Variants in USP34 observed in about 807,000 individuals in gnomAD.
USP34 encodes ubiquitin carboxyl-terminal hydrolase 34.
A neutral mutation model predicts 460.3 loss-of-function variants in USP34; 70 were observed. The ratio of observed to expected loss-of-function variants is 0.15; its 90% CI spans 0.13 to 0.19. USP34 has a LOEUF of 0.19. USP34 is among the 10% of genes least tolerant of loss of function. The probability of loss-of-function intolerance (pLI) is 1.00; values close to 1 mark genes in which losing one functional copy is unlikely to be tolerated. For synonymous variants in USP34, 1,647 were observed against 1,405.3 expected (o/e 1.17, Z -3.85); for missense variants, 3,985 against 4,236.2 (o/e 0.94, Z 1.65).
intron 19 of USP34, 124 bp downstream of exon 19, chr2:61,333,758 A>C (rs1054616349): frequency 3.7e-6 from 2 of 543,352 alleles, no homozygotes. Flanking sequence ...CTAAGAAAAC[A>C]AACCACATGA....
rs1402489874 is a variant in USP34 at position 61,196,125 on chromosome 2, G to C, written c.9509-3145C>G. ...AGACGGAGTCTCGCTTTGTCGCACA[G>C]GCTGGAGTGCAGTGGCGCGATCTCG... On this transcript the variant is annotated intron_variant, in intron 75 of 79. Transcript: ENST00000398571. 2.4e-5 allele frequency among the ~76,000 whole-genome samples: 3 copies of C among 125,498 alleles called. No homozygotes were observed. In the Admixed American group the frequency reaches 3.2e-4, roughly 13 times the overall value. The allele number at this position is 125,498 out of a possible 152,430, so 82.3% of individuals were successfully genotyped here.
chr2:61,235,145 T>G (rs1330862265), intron 57 of USP34, among the ~76,000 whole-genome samples: 1 of 152,156 alleles, frequency 6.6e-6, no homozygotes, highest in Non-Finnish European at 1.5e-5. Flanking sequence ...GTTAATTAAT[T>G]TGAATGTGGG....
chr2:61,338,942 G>A (rs1227354249), intron 18 of USP34, among the ~76,000 whole-genome samples: 1 of 152,116 alleles, frequency 6.6e-6, no homozygotes, highest in Non-Finnish European at 1.5e-5. Context: ...CTAAATGGAA[G>A]AACAATACTA....
chr2:61,398,359 C>G (rs1484763361), intron 3 of USP34, among the ~76,000 whole-genome samples: 1 of 148,902 alleles, frequency 6.7e-6, no homozygotes, highest in Non-Finnish European at 1.5e-5. Flanking sequence ...AGAGTGAGAC[C>G]TGGTGAAAGA....
chr2:61,269,416 T>G (rs905764279), intron 41 of USP34, among the ~76,000 whole-genome samples: 1 of 151,408 alleles, frequency 6.6e-6, no homozygotes, highest in Non-Finnish European at 1.5e-5. Flanking sequence ...TCCTTTTGCC[T>G]CGACCTTACA....
chr2:61,348,962 A>T, intron 13 of USP34, 76 bp from the exon 14 acceptor site: 2 of 1,470,592 alleles, frequency 1.4e-6, no homozygotes, highest in South Asian at 1.4e-5. Flanking sequence ...TTATCATTTG[A>T]TTCCTTGACC....
At chr2:61,433,732 A>G (rs1417782234) in intron 1 of USP34, among the ~76,000 whole-genome samples, 1 of 152,160 alleles carries the variant, frequency 6.6e-6, no homozygotes, top group Non-Finnish European at 1.5e-5. Flanking sequence ...TGCACTGCCC[A>G]AATTAGGAGC....
chr2:61,440,610 T>C (rs1694936168), intron 1 of USP34, among the ~76,000 whole-genome samples: 1 of 151,326 alleles, frequency 6.6e-6, no homozygotes, highest in Non-Finnish European at 1.5e-5. Flanking sequence ...CTCCTCCTCC[T>C]GGGTTCAAGC....
At chr2:61,426,345 C>T (rs1431018004) in intron 1 of USP34, among the ~76,000 whole-genome samples, 1 of 152,122 alleles carries the variant, frequency 6.6e-6, no homozygotes, top group Non-Finnish European at 1.5e-5. Flanking sequence ...CTGGACCTGC[C>T]CTGGGCCACA....
In USP34 at chr2:61,333,883, T is replaced by C. The variant is rs1172498327; in HGVS notation, c.2833A>G (p.Met945Val). ...TACTTTTTTCTTTTATTTACTTACATTGTTATCCAGTGTGTATCGTAACTG... is the reference window on the plus strand; with the variant it reads ...TACTTTTTTCTTTTATTTACTTACACTGTTATCCAGTGTGTATCGTAACTG... ...GSSYDTHWITMWAEKELNMMK... is the reference protein window; with the variant it reads ...GSSYDTHWITVWAEKELNMMK... The change falls in exon 19 of 80, where the codon ATG (methionine) becomes GTG (valine). Residue 945 changes from methionine to valine, a missense_variant and splice_region_variant. By Grantham distance (21) the Met-to-Val change is conservative. This residue lies in a region of USP34 where 1,114 missense variants were observed against 1,122.5 expected (regional missense o/e 0.99). Transcript: ENST00000398571. The C allele has an allele frequency of 1.3e-6, 2 of 1,522,148 alleles. No individual in the cohort carries two copies. The highest frequency in any genetic ancestry group is 2.4e-5 in the East Asian group (1 of 42,176). The allele number at this position is 1,522,148 out of a possible 1,614,324, so 94.3% of individuals were successfully genotyped here.
At chr2:61,461,323 G>A (rs1282583786) in intron 1 of USP34, among the ~76,000 whole-genome samples, 1 of 151,634 alleles carries the variant, frequency 6.6e-6, no homozygotes, top group Admixed American at 6.6e-5. Context: ...AACCTGGGAG[G>A]CAGAGGTTGC....
At chr2:61,278,847 G>A (rs1429798986) in intron 39 of USP34, among the ~76,000 whole-genome samples, 3 of 151,632 alleles carry the variant, frequency 2.0e-5, no homozygotes, top group African/African-American at 7.3e-5. Flanking sequence ...TTATTGAGAT[G>A]TAATTCACAC....
intron 7 of USP34, 39 bp downstream of exon 7, chr2:61,380,130 A>G (rs938338485): frequency 3.8e-6 from 6 of 1,579,392 alleles, no homozygotes; most frequent in Non-Finnish European, 4.3e-6. Flanking sequence ...ACCAGAAAAC[A>G]AATAAACGAT....
intron 5 of USP34, among the ~76,000 whole-genome samples, chr2:61,385,257 T>A (rs1693101263): frequency 6.6e-6 from 1 of 152,200 alleles, no homozygotes; most frequent in African/African-American, 2.4e-5. Flanking sequence ...ATTTGCCATA[T>A]TTATTGTGAA....
chr2:61,248,362 T>G, intron 49 of USP34, 149 bp downstream of exon 49: 1 of 704,422 alleles, frequency 1.4e-6, no homozygotes, highest in Admixed American at 3.1e-5. Flanking sequence ...ACTGGTTAAC[T>G]GACTGAATGC....
intron 16 of USP34, among the ~76,000 whole-genome samples, chr2:61,340,598 T>A (rs1158302049): frequency 6.6e-6 from 1 of 152,184 alleles, no homozygotes; most frequent in Non-Finnish European, 1.5e-5. Flanking sequence ...TTCACATACC[T>A]ATTTTTAATT....
At chr2:61,210,366 C>G (rs1031531841) in intron 69 of USP34, among the ~76,000 whole-genome samples, 1 of 152,180 alleles carries the variant, frequency 6.6e-6, no homozygotes, top group African/African-American at 2.4e-5. Flanking sequence ...CAAATACTTA[C>G]CTTTCTGTTA....
At chr2:61,346,949 T>G (rs1321769250) in intron 15 of USP34, among the ~76,000 whole-genome samples, 1 of 150,120 alleles carries the variant, frequency 6.7e-6, no homozygotes, top group Non-Finnish European at 1.5e-5. Context: ...ATCAGCCTGG[T>G]CAACACGGTG....
At chr2:61,450,730 G>T (rs1363683107) in intron 1 of USP34, among the ~76,000 whole-genome samples, 1 of 151,716 alleles carries the variant, frequency 6.6e-6, no homozygotes, top group African/African-American at 2.4e-5. Flanking sequence ...TACATAAAGG[G>T]GAAAAATATA....
Sources: allele counts gnomAD v4.1 joint callset (sites outside exome capture counted in the v4.1 genomes callset), GRCh38; gene constraint gnomAD v4.1.1; regional missense constraint gnomAD v4.1.1; transcripts MANE v1.5; gene names NCBI Gene and HGNC (gene_info 2026-07-23, HGNC 2026-07-21).